The following SGCZ variants were observed in gnomAD, a reference collection of about 807,000 sequenced individuals.
The protein encoded by SGCZ is zeta-sarcoglycan.
Under a neutral mutation model 41.3 loss-of-function variants are expected in SGCZ, and 40 were observed. That is an observed-to-expected ratio of 0.97 (90% confidence interval 0.75 to 1.26). SGCZ has a LOEUF of 1.26. Ranked by LOEUF, SGCZ falls within the 50% of genes most tolerant of loss-of-function variation. SGCZ has a pLI of 0.00. For synonymous variants in SGCZ, 206 were observed against 137.5 expected (o/e 1.50, Z -3.49); for missense variants, 552 against 369.8 (o/e 1.49, Z -4.04).
intron 2 of SGCZ, among the ~76,000 whole-genome samples, chr8:14,327,995 C>A (rs1469649239): frequency 2.6e-5 from 4 of 152,142 alleles, no homozygotes; most frequent in African/African-American, 9.7e-5. Context: ...TGGACAAGGA[C>A]TGCTCTTATA....
rs556469940 is a variant in SGCZ at position 14,819,131 on chromosome 8, T to C, written c.40-264205A>G. On this transcript the variant is annotated intron_variant, in intron 1 of 7. Transcript: ENST00000382080. ...CTCTCAAAAGTAAAAGACAGAATTC[T>C]AAAAAAAAAAAAGTAAAAGTAAAAG... 2.1e-5 allele frequency among the ~76,000 whole-genome samples: 3 copies of C among 144,400 alleles called. No individual in the cohort carries two copies. In the East Asian group the frequency reaches 6.1e-4, roughly 29 times the overall value. The allele number at this position is 144,400 out of a possible 152,430, so 94.7% of individuals were successfully genotyped here. A position where few individuals can be genotyped will look rare whatever the true frequency, so the allele number is the denominator to read the frequency against.
At chr8:14,997,220 A>T (rs556315902) in intron 1 of SGCZ, among the ~76,000 whole-genome samples, 1 of 152,354 alleles carries the variant, frequency 6.6e-6, no homozygotes, top group East Asian at 1.9e-4. Flanking sequence ...ATAGGTTAAT[A>T]GTATTCGATT....
intron 1 of SGCZ, among the ~76,000 whole-genome samples, chr8:14,611,172 A>T (rs188173849): frequency 1.3e-5 from 2 of 152,310 alleles, no homozygotes; most frequent in Admixed American, 1.3e-4. Flanking sequence ...TCTGTGACTC[A>T]AAAGTGATAC....
intron 3 of SGCZ, among the ~76,000 whole-genome samples, chr8:14,265,867 A>G (rs1025839501): frequency 2.6e-5 from 4 of 152,102 alleles, no homozygotes; most frequent in South Asian, 4.1e-4. Flanking sequence ...CATCAATAGC[A>G]GAACTGATCA....
intron 1 of SGCZ, among the ~76,000 whole-genome samples, chr8:15,027,412 T>C (rs1476391980): frequency 6.6e-6 from 1 of 151,616 alleles, no homozygotes; most frequent in South Asian, 2.1e-4. Context: ...AAAAAAGAAA[T>C]AATTTGTGAG....
At chr8:14,612,034 A>T (rs180818895) in intron 1 of SGCZ, among the ~76,000 whole-genome samples, 2 of 152,360 alleles carry the variant, frequency 1.3e-5, no homozygotes, top group Non-Finnish European at 2.9e-5. Flanking sequence ...GCCATTAAAA[A>T]ATTATTTAGC....
intron 1 of SGCZ, among the ~76,000 whole-genome samples, chr8:15,225,475 G>A (rs976540945): frequency 3.3e-5 from 5 of 152,114 alleles, no homozygotes; most frequent in South Asian, 2.1e-4. Context: ...TGAAGTTATG[G>A]TACCGTGTTT....
At chr8:14,765,482 C>G (rs1265067022) in intron 1 of SGCZ, among the ~76,000 whole-genome samples, 1 of 152,100 alleles carries the variant, frequency 6.6e-6, no homozygotes, top group South Asian at 2.1e-4. Flanking sequence ...TGCTATGAAA[C>G]TAAATAAATT....
At chr8:15,096,166 C>T (rs962223342) in intron 1 of SGCZ, among the ~76,000 whole-genome samples, 4 of 152,098 alleles carry the variant, frequency 2.6e-5, no homozygotes, top group Admixed American at 6.6e-5. Flanking sequence ...CAATGTCTAC[C>T]TCCAGGTTCA....
chr8:14,648,580 A>G (rs1585152969), intron 1 of SGCZ, among the ~76,000 whole-genome samples: 2 of 152,128 alleles, frequency 1.3e-5, no homozygotes, highest in African/African-American at 4.8e-5. Flanking sequence ...GCACTGGGAA[A>G]TGTTTGTCAA....
chr8:14,983,205 A>C (rs1449653521), intron 1 of SGCZ, among the ~76,000 whole-genome samples: 1 of 113,612 alleles, frequency 8.8e-6, no homozygotes, highest in Admixed American at 1.0e-4. Context: ...TTTTTTTTTG[A>C]GACAGGTTCT....
At chr8:14,829,398 G>A (rs917330951) in intron 1 of SGCZ, among the ~76,000 whole-genome samples, 4 of 152,056 alleles carry the variant, frequency 2.6e-5, no homozygotes, top group East Asian at 1.9e-4. Context: ...ACTTGATGAC[G>A]CTTATGTTGA....
intron 2 of SGCZ, among the ~76,000 whole-genome samples, chr8:14,325,747 C>CATATATAT (rs370021799): frequency 5.8e-5 from 4 of 69,456 alleles, no homozygotes; most frequent in African/African-American, 1.3e-4. Context: ...CACACACACA[C>CATATATAT]ATATATATAT....
intron 1 of SGCZ, among the ~76,000 whole-genome samples, chr8:15,213,104 C>G (rs974911473): frequency 1.3e-5 from 2 of 151,992 alleles, no homozygotes; most frequent in South Asian, 4.1e-4. Flanking sequence ...GGTTGGAAAA[C>G]AGATTCTGTC....
chr8:14,427,773 C>G (rs1799828456), intron 2 of SGCZ, among the ~76,000 whole-genome samples: 1 of 152,098 alleles, frequency 6.6e-6, no homozygotes, highest in Non-Finnish European at 1.5e-5. Flanking sequence ...GGCCACATGA[C>G]AGTAATTCAA....
rs572122014 is a variant in SGCZ, at chr8:14,819,263, T to C, written c.40-264337A>G. 9.9e-5 allele frequency among the ~76,000 whole-genome samples: 15 copies of C among 152,280 alleles called. No homozygotes were observed. In the South Asian group the frequency reaches 2.9e-3, roughly 29 times the overall value. ...AGAAATCTTGCAGGCTAGGAAAGAA[T>C]GGAATGAAGAGCTGAGAATTCTCTC... On this transcript the variant is annotated intron_variant, in intron 1 of 7. Transcript: ENST00000382080.
chr8:15,178,451 T>C (rs1800064820), intron 1 of SGCZ, among the ~76,000 whole-genome samples: 2 of 152,178 alleles, frequency 1.3e-5, no homozygotes, highest in African/African-American at 2.4e-5. Context: ...GAGGACATAT[T>C]TTCAAATACA....
intron 5 of SGCZ, among the ~76,000 whole-genome samples, chr8:14,159,171 A>G (rs1047829883): frequency 4.6e-5 from 7 of 152,176 alleles, no homozygotes; most frequent in East Asian, 1.9e-4. Flanking sequence ...ACCTAAAGCT[A>G]TAAGAGACAC....
intron 1 of SGCZ, among the ~76,000 whole-genome samples, chr8:14,751,337 G>C (rs1228612491): frequency 6.6e-6 from 1 of 152,078 alleles, no homozygotes; most frequent in East Asian, 1.9e-4. Flanking sequence ...ATCAGTGGTA[G>C]GATCCATTAG....
Sources: allele counts gnomAD v4.1 joint callset (sites outside exome capture counted in the v4.1 genomes callset), GRCh38; gene constraint gnomAD v4.1.1; transcripts MANE v1.5; gene names NCBI Gene and HGNC (gene_info 2026-07-23, HGNC 2026-07-21).